The following EHBP1 variants were observed in gnomAD, a reference collection of about 807,000 sequenced individuals.
EHBP1 encodes EH domain-binding protein 1.
Under a neutral mutation model 144.0 loss-of-function variants are expected in EHBP1, and 55 were observed. The ratio of observed to expected loss-of-function variants is 0.38; its 90% CI spans 0.31 to 0.48. The LOEUF is 0.48. Ranked by LOEUF, EHBP1 falls within the 20% of genes least tolerant of loss-of-function variation. EHBP1 has a pLI of 0.98. For missense variants in EHBP1, 1,200 were observed against 1,364.2 expected (o/e 0.88, Z 1.90); for synonymous variants, 469 against 472.7 (o/e 0.99, Z 0.10).
rs545222155 is a variant in EHBP1, at chr2:62,694,193, A to C, written c.-295-12704A>C. Among the ~76,000 whole-genome samples the C allele has an allele frequency of 2.6e-4, 39 of 152,278 alleles. 1 individual carries two copies. The South Asian group carries it at 7.7e-3, about 30-fold the overall frequency. On this transcript the variant is annotated intron_variant, in intron 1 of 22. Coordinates refer to the EHBP1 transcript ENST00000405015. The stretch of plus-strand genomic sequence containing the variant: ...TCCTTAAGGGCGTTCTTTTTCATTC[A>C]TACTGGAAAAGATTAAACTCTTTGG...
intron 7 of EHBP1, among the ~76,000 whole-genome samples, chr2:62,849,223 G>A (rs925530187): frequency 2.6e-5 from 4 of 151,866 alleles, no homozygotes; most frequent in Non-Finnish European, 4.4e-5. Context: ...GGAAAAACCA[G>A]CTGTCATGTA....
chr2:62,918,302 A>T (rs2054803557), intron 10 of EHBP1, among the ~76,000 whole-genome samples: 1 of 152,174 alleles, frequency 6.6e-6, no homozygotes, highest in African/African-American at 2.4e-5. Flanking sequence ...AAAATAAATA[A>T]TTGTAGTACG....
chr2:62,830,132 G>A (rs1158977384), intron 6 of EHBP1, among the ~76,000 whole-genome samples: 4 of 135,102 alleles, frequency 3.0e-5, no homozygotes, highest in East Asian at 2.2e-4. Flanking sequence ...AATATGTGGT[G>A]CATATATATA....
intron 13 of EHBP1, among the ~76,000 whole-genome samples, chr2:62,951,792 T>G (rs2057407702): frequency 6.6e-6 from 1 of 152,156 alleles, no homozygotes; most frequent in African/African-American, 2.4e-5. Context: ...CCCAAAGTAC[T>G]GGGATTACAG....
At chr2:62,975,899 C>T (rs960921825) in intron 14 of EHBP1, among the ~76,000 whole-genome samples, 2 of 142,484 alleles carry the variant, frequency 1.4e-5, no homozygotes, top group African/African-American at 5.5e-5. Flanking sequence ...CACACACACA[C>T]ACACACACAC....
chr2:62,727,491 A>T (rs1016014444), intron 2 of EHBP1, among the ~76,000 whole-genome samples: 2 of 151,376 alleles, frequency 1.3e-5, no homozygotes, highest in Non-Finnish European at 2.9e-5. Context: ...TCCCCTCCCC[A>T]CTCAACCCCC....
intron 10 of EHBP1, among the ~76,000 whole-genome samples, chr2:62,928,840 C>CAAAAAAAAAAAAAAAAAAAA (rs760426482): frequency 1.5e-5 from 1 of 65,262 alleles, no homozygotes. Flanking sequence ...AGACTAAGAA[C>CAAAAAAAAAAAAAAAAAAAA]AAAAAAAAAA....
intron 5 of EHBP1, among the ~76,000 whole-genome samples, chr2:62,787,112 G>T (rs1444512466): frequency 6.6e-6 from 1 of 152,054 alleles, no homozygotes; most frequent in African/African-American, 2.4e-5. Context: ...TTAAGTATGT[G>T]CACTATTATT....
At chr2:62,919,957 A>G (rs571784745) in intron 10 of EHBP1, among the ~76,000 whole-genome samples, 1 of 152,328 alleles carries the variant, frequency 6.6e-6, no homozygotes, top group South Asian at 2.1e-4. Flanking sequence ...TTAAGGTTGA[A>G]GAAAAGGGAA....
In EHBP1 at chr2:62,858,314, C is replaced by T. The variant is rs557625289; in HGVS notation, c.635-855C>T. On this transcript the variant is annotated intron_variant, in intron 7 of 22. Coordinates refer to ENST00000431489, the MANE Select transcript of EHBP1 (RefSeq NM_001142616.3). ...TATTCTGTTGATTAACCAAACATCT[C>T]CTCTTTGTCTTTTTGGGTAACAGCA... is the stretch of plus-strand genomic sequence containing the variant. The T allele has an allele frequency of 1.2e-4, 89 of 754,058 alleles. No individual in the cohort carries two copies. In the South Asian group the frequency reaches 1.7e-3, roughly 14 times the overall value. The allele number at this position is 754,058 out of a possible 1,614,324, so 46.7% of individuals were successfully genotyped here. A position where few individuals can be genotyped will look rare whatever the true frequency, so the allele number is the denominator to read the frequency against.
Position 62,848,976 on chromosome 2 carries a change from T to G in EHBP1, c.635-10193T>G, listed in dbSNP as rs543534497. ...TTAGGTTTGTAAGAAAATGAATGATTTCTAACTTTCTGATTTATTGATCTA... is the reference window on the plus strand; with the variant it reads ...TTAGGTTTGTAAGAAAATGAATGATGTCTAACTTTCTGATTTATTGATCTA... On this transcript the variant is annotated intron_variant, in intron 7 of 22. Coordinates refer to ENST00000431489, the MANE Select transcript of EHBP1 (RefSeq NM_001142616.3). 2.9e-4 allele frequency among the ~76,000 whole-genome samples: 44 copies of G among 152,330 alleles called. 1 individual carries two copies. The South Asian group carries it at 8.5e-3, about 29-fold the overall frequency.
At chr2:62,925,581 A>G (rs1302073440) in intron 10 of EHBP1, among the ~76,000 whole-genome samples, 1 of 152,224 alleles carries the variant, frequency 6.6e-6, no homozygotes, top group African/African-American at 2.4e-5. Flanking sequence ...GTAAAGTTGC[A>G]GGATACAAAA....
At chr2:62,944,879 C>T (rs1350020567) in intron 12 of EHBP1, among the ~76,000 whole-genome samples, 2 of 152,168 alleles carry the variant, frequency 1.3e-5, no homozygotes, top group Non-Finnish European at 2.9e-5. Context: ...TTGAATTCTT[C>T]AACTGAAAAA....
Position 62,864,775 on chromosome 2 carries a change from T to C in EHBP1, c.802T>C (p.Phe268Leu), listed in dbSNP as rs140051312. 1.1e-4 allele frequency: 179 copies of C among 1,613,608 alleles called. 2 individuals carry two copies. Among genetic ancestry groups the C allele is most frequent in the South Asian group, 5.5e-4 (50 of 90,798 alleles). Reference protein sequence around the residue: ...TASPRKTEDSFYNNSYNPFKE... With the variant: ...TASPRKTEDSLYNNSYNPFKE... Reference sequence around the variant, plus strand: ...TTCACCTAGAAAAACAGAAGACTCTTTTTATAATAACAGCTATAATCCCTT... The same window carrying C: ...TTCACCTAGAAAAACAGAAGACTCTCTTTATAATAACAGCTATAATCCCTT... Residue 268 changes from phenylalanine to leucine, a missense_variant, in exon 9 of 23, where the codon TTT becomes CTT. Coordinates refer to ENST00000431489, the MANE Select transcript of EHBP1 (RefSeq NM_001142616.3).
intron 6 of EHBP1, among the ~76,000 whole-genome samples, chr2:62,830,203 T>TAC (rs1482499626): frequency 4.8e-5 from 4 of 82,524 alleles, no homozygotes; most frequent in Non-Finnish European, 1.0e-4. Flanking sequence ...CACATATATA[T>TAC]ACACATATAC....
At chr2:62,951,450 A>G (rs966645763) in intron 13 of EHBP1, among the ~76,000 whole-genome samples, 7 of 151,446 alleles carry the variant, frequency 4.6e-5, no homozygotes, top group African/African-American at 1.7e-4. Flanking sequence ...TAGATAATCA[A>G]TAAACATCTA....
At chr2:63,005,682 TG>T (rs2060009322) in intron 19 of EHBP1, among the ~76,000 whole-genome samples, 1 of 152,100 alleles carries the variant, frequency 6.6e-6, no homozygotes, top group Admixed American at 6.6e-5. Context: ...ATTAGATGTG[TG>T]GCCAATATTG....
At chr2:62,912,707 C>T (rs891490026) in intron 10 of EHBP1, among the ~76,000 whole-genome samples, 2 of 152,002 alleles carry the variant, frequency 1.3e-5, no homozygotes, top group Non-Finnish European at 1.5e-5. Flanking sequence ...ATTTGAAGCA[C>T]CGGTATGGTC....
At chr2:62,816,593 A>G (rs2045466304) in intron 5 of EHBP1, among the ~76,000 whole-genome samples, 1 of 152,220 alleles carries the variant, frequency 6.6e-6, no homozygotes. Context: ...GACAGTTCTA[A>G]AATAAGAGGA....
Sources: allele counts gnomAD v4.1 joint callset (sites outside exome capture counted in the v4.1 genomes callset), GRCh38; gene constraint gnomAD v4.1.1; transcripts MANE v1.5; gene names NCBI Gene and HGNC (gene_info 2026-07-23, HGNC 2026-07-21).